The following LRP1B variants were observed in gnomAD, a reference collection of about 807,000 sequenced individuals.
LRP1B encodes the protein low-density lipoprotein receptor-related protein 1B.
LRP1B carries 217 observed loss-of-function variants against 556.6 expected under a neutral mutation model. The observed-to-expected ratio is 0.39, with a 90% CI of 0.35 to 0.44. The LOEUF (loss-of-function observed/expected upper bound fraction) is 0.44. Among genes scored for constraint, LRP1B ranks in the 20% least tolerant of loss-of-function variants. The probability of loss-of-function intolerance (pLI) is 1.00; values close to 1 mark genes in which losing one functional copy is unlikely to be tolerated. For synonymous variants in LRP1B, 2,047 were observed against 1,865.8 expected (o/e 1.10, Z -2.50); for missense variants, 5,053 against 5,620.8 (o/e 0.90, Z 3.23).
intron 2 of LRP1B, among the ~76,000 whole-genome samples, chr2:141,595,344 A>G (rs1316246032): frequency 1.3e-5 from 2 of 152,098 alleles, no homozygotes; most frequent in Admixed American, 6.6e-5. Context: ...TAATTGTGTT[A>G]CAATGTAACA....
chr2:141,167,453 A>T (rs1324959332), intron 7 of LRP1B: 1 of 151,884 alleles, frequency 6.6e-6, no homozygotes, highest in African/African-American at 2.4e-5. Flanking sequence ...GAAGATATTC[A>T]TTAATTGCAC....
intron 84 of LRP1B, among the ~76,000 whole-genome samples, chr2:140,287,631 A>C (rs1342288357): frequency 3.0e-5 from 4 of 135,302 alleles, no homozygotes; most frequent in Non-Finnish European, 4.9e-5. Context: ...TCTTCAAGGG[A>C]TATTGCAAGT....
chr2:140,290,361 T>C (rs1683324455), intron 84 of LRP1B, among the ~76,000 whole-genome samples: 1 of 151,980 alleles, frequency 6.6e-6, no homozygotes, highest in African/African-American at 2.4e-5. Context: ...GTACATAAAG[T>C]AATGTGCTGC....
chr2:140,291,298 T>TTTTATATATATATATATATA (rs1683362734), intron 84 of LRP1B, among the ~76,000 whole-genome samples: 1 of 72,000 alleles, frequency 1.4e-5, no homozygotes, highest in Non-Finnish European at 3.6e-5. Context: ...AAATTTTATT[T>TTTTATATATATATATATATA]TATATATATA....
intron 60 of LRP1B, among the ~76,000 whole-genome samples, chr2:140,467,173 A>G (rs1470493202): frequency 2.0e-5 from 3 of 152,268 alleles, no homozygotes; most frequent in Admixed American, 2.0e-4. Context: ...TTTATAACAA[A>G]TTTTTTCTTA....
intron 7 of LRP1B, among the ~76,000 whole-genome samples, chr2:141,135,185 C>G (rs896924014): frequency 2.6e-5 from 4 of 151,706 alleles, no homozygotes; most frequent in Non-Finnish European, 2.9e-5. Context: ...GTAAAAAATT[C>G]TTATTAATAT....
intron 11 of LRP1B, among the ~76,000 whole-genome samples, chr2:141,023,596 C>T (rs1698130498): frequency 6.6e-6 from 1 of 151,888 alleles, no homozygotes; most frequent in Non-Finnish European, 1.5e-5. Flanking sequence ...ATTATACATT[C>T]ATGGAACAGA....
intron 41 of LRP1B, among the ~76,000 whole-genome samples, chr2:140,682,675 C>CGTGT (rs112723393): frequency 0.099 from 14,707 of 148,764 alleles, 1,285 homozygotes; most frequent in African/African-American, 0.23. Context: ...GAGAGTATTG[C>CGTGT]GTGTGTGTGT....
intron 12 of LRP1B, 96 bp from the exon 13 acceptor site, chr2:141,016,011 G>C: frequency 1.1e-6 from 1 of 895,078 alleles, no homozygotes; most frequent in Middle Eastern, 2.2e-4. Context: ...ATAAATTCTA[G>C]TTTCATTCTG....
intron 86 of LRP1B, among the ~76,000 whole-genome samples, chr2:140,258,185 T>A (rs991688449): frequency 1.3e-5 from 2 of 152,078 alleles, no homozygotes; most frequent in Non-Finnish European, 2.9e-5. Flanking sequence ...GCTGAACACT[T>A]AATAAAATAA....
In LRP1B at chr2:141,672,949, C is replaced by T. The variant is rs544912564; in HGVS notation, c.205+137330G>A. Among the ~76,000 whole-genome samples, 45 of 152,200 alleles carry T rather than the reference C, an allele frequency of 3.0e-4. No individual in the cohort carries two copies. In the South Asian group the frequency reaches 8.9e-3, roughly 30 times the overall value. ...GTCCTACTGTGCCACTCTACCAAGC[C>T]CTGGTTTTACAGACTTGTACTCAGA... On this transcript the variant is annotated intron_variant, in intron 2 of 90. Transcript: ENST00000389484.
intron 6 of LRP1B, among the ~76,000 whole-genome samples, chr2:141,209,294 A>G (rs1280524921): frequency 2.6e-5 from 4 of 152,068 alleles, no homozygotes; most frequent in Middle Eastern, 3.2e-3. Context: ...AGTTCTCAGG[A>G]GATCTGATGG....
At chr2:141,463,528 AAAAT>A (rs1350354239) in intron 3 of LRP1B, among the ~76,000 whole-genome samples, 48 of 129,646 alleles carry the variant, frequency 3.7e-4, no homozygotes, top group African/African-American at 1.0e-3. Context: ...AATATTATAT[AAAAT>A]TATATATTAT....
intron 37 of LRP1B, 28 bp downstream of exon 37, chr2:140,715,945 G>T (rs1472442454): frequency 2.6e-6 from 4 of 1,514,360 alleles, no homozygotes; most frequent in Admixed American, 2.0e-5. Context: ...CATAAAACTT[G>T]GAAGATATAC....
chr2:140,753,017 C>T (rs1688634526), intron 35 of LRP1B, among the ~76,000 whole-genome samples: 1 of 152,166 alleles, frequency 6.6e-6, no homozygotes, highest in East Asian at 1.9e-4. Flanking sequence ...TAAAACTCCT[C>T]TATGCTCCAT....
intron 59 of LRP1B, among the ~76,000 whole-genome samples, chr2:140,477,000 T>C (rs777157192): frequency 2.6e-5 from 4 of 152,082 alleles, no homozygotes; most frequent in Non-Finnish European, 5.9e-5. Flanking sequence ...GAATTATTTT[T>C]GTTATAGTTT....
At chr2:140,293,409 TTTTACC>T (rs2104991386) in intron 84 of LRP1B, among the ~76,000 whole-genome samples, 1 of 152,340 alleles carries the variant, frequency 6.6e-6, no homozygotes, top group East Asian at 1.9e-4. Flanking sequence ...TTGATTTTAC[TTTTACC>T]ATTATTTATC....
chr2:141,583,913 T>TC (rs1368890433), intron 2 of LRP1B, among the ~76,000 whole-genome samples: 2 of 151,642 alleles, frequency 1.3e-5, no homozygotes, highest in Non-Finnish European at 2.9e-5. Context: ...CTAATTTTTT[T>TC]TTTTTTAGTA....
intron 7 of LRP1B, among the ~76,000 whole-genome samples, chr2:141,120,176 T>C (rs375285591): frequency 6.6e-5 from 10 of 151,988 alleles, no homozygotes; most frequent in African/African-American, 1.9e-4. Flanking sequence ...TTTAAACAAA[T>C]CAAGGCATGG....
Sources: gnomAD v4.1 joint callset for allele counts (sites outside exome capture counted in the v4.1 genomes callset) on GRCh38, gnomAD v4.1.1 for gene constraint, MANE v1.5 for transcripts, NCBI Gene and HGNC (gene_info 2026-07-23, HGNC 2026-07-21) for gene names.